The following XYLT1 variants were observed in gnomAD, a reference collection of about 807,000 sequenced individuals.
The protein encoded by XYLT1 is xylosyltransferase 1, also known as beta-D-xylosyltransferase 1.
Under a neutral mutation model 91.3 loss-of-function variants are expected in XYLT1, and 36 were observed. That is an observed-to-expected ratio of 0.39 (90% CI 0.30 to 0.52). XYLT1 has a LOEUF of 0.52. XYLT1 is among the 20% of genes least tolerant of loss of function. XYLT1 has a pLI of 0.68. For missense variants in XYLT1, 1,242 were observed against 1,284.5 expected (o/e 0.97, Z 0.51); for synonymous variants, 588 against 532.0 (o/e 1.11, Z -1.45).
intron 1 of XYLT1, among the ~76,000 whole-genome samples, chr16:17,442,184 T>G (rs1024429480): frequency 1.3e-5 from 2 of 152,192 alleles, no homozygotes; most frequent in Non-Finnish European, 2.9e-5. Context: ...GGGACCCAGC[T>G]TGCCACCGCA....
intron 1 of XYLT1, among the ~76,000 whole-genome samples, chr16:17,414,209 T>C (rs1005416085): frequency 2.0e-5 from 3 of 152,248 alleles, no homozygotes; most frequent in African/African-American, 7.2e-5. Flanking sequence ...GACCTCACTG[T>C]GATGTCACCC....
intron 2 of XYLT1, among the ~76,000 whole-genome samples, chr16:17,271,300 A>G (rs1476358876): frequency 6.6e-6 from 1 of 152,144 alleles, no homozygotes; most frequent in Non-Finnish European, 1.5e-5. Flanking sequence ...AGATCCAGAG[A>G]GAAAGGGGGT....
intron 3 of XYLT1, among the ~76,000 whole-genome samples, chr16:17,208,237 C>A (rs1540568): frequency 0.82 from 123,645 of 151,304 alleles, 50,759 homozygotes; most frequent in East Asian, 1. Context: ...CCTCCCTTAG[C>A]CTCCCAAAGT....
chr16:17,320,241 C>T (rs2034695332), intron 2 of XYLT1, among the ~76,000 whole-genome samples: 1 of 152,284 alleles, frequency 6.6e-6, no homozygotes, highest in South Asian at 2.1e-4. Flanking sequence ...CAGTGTATTT[C>T]CAAAAACCTA....
At chr16:17,309,940 G>C (rs2034520172) in intron 2 of XYLT1, among the ~76,000 whole-genome samples, 1 of 152,140 alleles carries the variant, frequency 6.6e-6, no homozygotes, top group Non-Finnish European at 1.5e-5. Flanking sequence ...GGGGCCCCAG[G>C]GGCCAGGGGT....
intron 1 of XYLT1, among the ~76,000 whole-genome samples, chr16:17,405,549 C>T (rs2141905797): frequency 6.6e-6 from 1 of 152,310 alleles, no homozygotes; most frequent in South Asian, 2.1e-4. Flanking sequence ...TGGCAGCAAA[C>T]CCAGCTCCTG....
At chr16:17,245,758 T>G (rs981927984) in intron 3 of XYLT1, among the ~76,000 whole-genome samples, 1 of 152,218 alleles carries the variant, frequency 6.6e-6, no homozygotes, top group Non-Finnish European at 1.5e-5. Flanking sequence ...CAATCTCTCA[T>G]GGGTGACTGA....
At chr16:17,138,814 G>A (rs1299329512) in intron 7 of XYLT1, 4 of 305,176 alleles carry the variant, frequency 1.3e-5, no homozygotes, top group Non-Finnish European at 2.5e-5. Flanking sequence ...TATGTTCTCT[G>A]CATGCATTTG....
At chr16:17,465,438 C>G (rs2036880862) in intron 1 of XYLT1, among the ~76,000 whole-genome samples, 1 of 151,958 alleles carries the variant, frequency 6.6e-6, no homozygotes, top group Non-Finnish European at 1.5e-5. Context: ...CTCCATTATT[C>G]CTGCCACATA....
chr16:17,342,388 C>A (rs2035074175), intron 2 of XYLT1, among the ~76,000 whole-genome samples: 1 of 152,150 alleles, frequency 6.6e-6, no homozygotes, highest in Non-Finnish European at 1.5e-5. Flanking sequence ...CCCTGCTTTG[C>A]TCTCCCATGC....
At chr16:17,431,723 C>G (rs541335429) in intron 1 of XYLT1, among the ~76,000 whole-genome samples, 2 of 152,220 alleles carry the variant, frequency 1.3e-5, no homozygotes, top group African/African-American at 2.4e-5. Context: ...CGAATCCATT[C>G]GAAGGCAGGC....
chr16:17,377,807 G>A lies in XYLT1; in HGVS notation c.364-19757C>T, dbSNP rs1042975726. 4.6e-5 allele frequency among the ~76,000 whole-genome samples: 7 copies of A among 152,176 alleles called. No individual in the cohort carries two copies. In the South Asian group the frequency reaches 1.0e-3, roughly 22 times the overall value. The stretch of plus-strand genomic sequence containing the variant: ...CTGGAACCATCTCATCTAGAAAGGG[G>A]AGGGTGTACAAGCAGCTCTGGATCA... On this transcript the variant is annotated intron_variant, in intron 1 of 11. Coordinates refer to ENST00000261381, the MANE Select transcript of XYLT1 (RefSeq NM_022166.4).
chr16:17,364,290 G>T (rs1356870341), intron 1 of XYLT1, among the ~76,000 whole-genome samples: 1 of 152,136 alleles, frequency 6.6e-6, no homozygotes, highest in Non-Finnish European at 1.5e-5. Context: ...GATTTTCTGG[G>T]ACCTTTTTGT....
intron 1 of XYLT1, among the ~76,000 whole-genome samples, chr16:17,417,230 C>T (rs1485583125): frequency 6.6e-6 from 1 of 152,198 alleles, no homozygotes; most frequent in Non-Finnish European, 1.5e-5. Context: ...TTAATTTATC[C>T]TCACAACAGC....
chr16:17,376,816 A>G (rs2035607228), intron 1 of XYLT1, among the ~76,000 whole-genome samples: 1 of 127,156 alleles, frequency 7.9e-6, no homozygotes, highest in Non-Finnish European at 1.6e-5. Flanking sequence ...AACAAGAGCA[A>G]AACTCTGTCT....
intron 3 of XYLT1, among the ~76,000 whole-genome samples, chr16:17,233,763 G>A (rs994782970): frequency 2.6e-5 from 4 of 152,200 alleles, no homozygotes; most frequent in Admixed American, 6.5e-5. Flanking sequence ...TTACACTATC[G>A]TGGAGCTAAG....
At chr16:17,171,322 T>C (rs946853944) in intron 5 of XYLT1, among the ~76,000 whole-genome samples, 2 of 152,198 alleles carry the variant, frequency 1.3e-5, no homozygotes, top group African/African-American at 4.8e-5. Flanking sequence ...TGAAGGACAG[T>C]TGATAGTGTC....
At chr16:17,382,565 G>A (rs904519256) in intron 1 of XYLT1, among the ~76,000 whole-genome samples, 1 of 151,930 alleles carries the variant, frequency 6.6e-6, no homozygotes, top group Non-Finnish European at 1.5e-5. Context: ...CAGCACAAAG[G>A]TTGGCATCTC....
At chr16:17,423,495 A>C (rs985795149) in intron 1 of XYLT1, among the ~76,000 whole-genome samples, 3 of 152,102 alleles carry the variant, frequency 2.0e-5, no homozygotes, top group Non-Finnish European at 4.4e-5. Context: ...GCCCCCTGTC[A>C]TCCTTGGGAC....
Sources: gnomAD v4.1 joint callset for allele counts (sites outside exome capture counted in the v4.1 genomes callset) on GRCh38, gnomAD v4.1.1 for gene constraint, MANE v1.5 for transcripts, NCBI Gene and HGNC (gene_info 2026-07-23, HGNC 2026-07-21) for gene names.